Variants in RTL4 observed in about 807,000 individuals in gnomAD.
The protein encoded by RTL4 is retrotransposon Gag like 4.
Under a neutral mutation model 5.3 loss-of-function variants are expected in RTL4, and 4 were observed. The observed-to-expected ratio is 0.75, with a 90% CI of 0.37 to 1.72. RTL4 has a LOEUF of 1.72. Among genes scored for constraint, RTL4 ranks in the 40% most tolerant of loss-of-function variants. The pLI, the probability that RTL4 is intolerant of heterozygous loss-of-function variation, is 0.04. For synonymous variants in RTL4, 98 were observed against 87.3 expected (o/e 1.12, Z -0.68); for missense variants, 260 against 227.1 (o/e 1.14, Z -0.93).
the RTL4 span, among the ~76,000 whole-genome samples, chrX:112,310,002 C>A: frequency 9.6e-6 from 1 of 103,675 alleles, no homozygotes; most frequent in South Asian, 4.6e-4. Context: ...TTGCACAGAC[C>A]CGAGATCGTG....
the RTL4 span, chrX:112,382,120 G>A: frequency 2.5e-6 from 3 of 1,209,978 alleles, no homozygotes; most frequent in Admixed American, 2.2e-5. Context: ...TAATCCGGGC[G>A]AGGCAGAGAC....
chrX:112,293,511 C>G, the RTL4 span, among the ~76,000 whole-genome samples: 1 of 111,909 alleles, frequency 8.9e-6, no homozygotes, highest in African/African-American at 3.3e-5. Context: ...CTTCGATAGT[C>G]TTAATCTATA....
At chrX:112,351,197 T>C in the RTL4 span, among the ~76,000 whole-genome samples, 1 of 110,898 alleles carries the variant, frequency 9.0e-6, no homozygotes, top group Non-Finnish European at 1.9e-5. Context: ...TTCTTAATCC[T>C]GAGTTCTAGT....
the RTL4 span, among the ~76,000 whole-genome samples, chrX:112,093,622 G>A: frequency 8.9e-6 from 1 of 111,956 alleles, no homozygotes; most frequent in African/African-American, 3.2e-5. Context: ...CTTATAATCT[G>A]TTGCAGAAGA....
At chrX:112,260,494 GAA>G in the RTL4 span, among the ~76,000 whole-genome samples, 3 of 111,846 alleles carry the variant, frequency 2.7e-5, no homozygotes, top group Non-Finnish European at 5.6e-5. Context: ...TTACATTGAA[GAA>G]AAGTTTCCAC....
At chrX:112,334,144 A>C in the RTL4 span, among the ~76,000 whole-genome samples, 4 of 111,738 alleles carry the variant, frequency 3.6e-5, no homozygotes, top group Non-Finnish European at 7.5e-5. Flanking sequence ...TATTCTTTTT[A>C]AATGCTGAGT....
chrX:112,136,286 CCTT>C, the RTL4 span, among the ~76,000 whole-genome samples: 2 of 111,400 alleles, frequency 1.8e-5, no homozygotes, highest in Admixed American at 9.6e-5. Flanking sequence ...AGATAATTGT[CCTT>C]CTTACTTTCT....
chrX:112,181,139 C>G, the RTL4 span, among the ~76,000 whole-genome samples: 1 of 111,850 alleles, frequency 8.9e-6, no homozygotes, highest in African/African-American at 3.3e-5. Context: ...AGGAACGGTG[C>G]CTTCCTGCCC....
At chrX:112,356,579 GGTGTGTGTGT>G in the RTL4 span, among the ~76,000 whole-genome samples, 20 of 99,436 alleles carry the variant, frequency 2.0e-4, no homozygotes, top group Non-Finnish European at 4.1e-4. Context: ...TTTGTTTTGG[GGTGTGTGTGT>G]GTGTGTGTGT....
chrX:112,326,659 T>C, the RTL4 span, among the ~76,000 whole-genome samples: 1 of 111,545 alleles, frequency 9.0e-6, no homozygotes, highest in Non-Finnish European at 1.9e-5. Flanking sequence ...CCACCACAGC[T>C]CAAGGAGGCC....
At chrX:112,213,768 C>G in the RTL4 span, among the ~76,000 whole-genome samples, 1 of 110,747 alleles carries the variant, frequency 9.0e-6, no homozygotes, top group Non-Finnish European at 1.9e-5. Flanking sequence ...AACTGAAACT[C>G]TGTACCAATT....
At chrX:112,405,242 A>G in the RTL4 span, among the ~76,000 whole-genome samples, 1 of 112,028 alleles carries the variant, frequency 8.9e-6, no homozygotes, top group Non-Finnish European at 1.9e-5. Context: ...AACTTCAACA[A>G]GAAAATAAAA....
chrX:112,263,202 A>T, the RTL4 span, among the ~76,000 whole-genome samples: 10 of 103,919 alleles, frequency 9.6e-5, no homozygotes, highest in Non-Finnish European at 2.0e-5. Flanking sequence ...TTAAAGTATA[A>T]AAAAAAAAAA....
At chrX:112,217,010 A>G in the RTL4 span, among the ~76,000 whole-genome samples, 1 of 112,285 alleles carries the variant, frequency 8.9e-6, no homozygotes, top group Non-Finnish European at 1.9e-5. Context: ...CCTGAAATCA[A>G]TGGCTCTCAT....
At chrX:112,219,943 T>C in the RTL4 span, among the ~76,000 whole-genome samples, 2 of 112,010 alleles carry the variant, frequency 1.8e-5, no homozygotes. Flanking sequence ...CTTTCTGTTC[T>C]TTAGGCTTGA....
At chrX:112,110,469 C>T in the RTL4 span, among the ~76,000 whole-genome samples, 1 of 111,444 alleles carries the variant, frequency 9.0e-6, no homozygotes, top group East Asian at 2.8e-4. Flanking sequence ...AGTTGTATGG[C>T]CCTGTGCTGA....
At chrX:112,351,451 A>C in the RTL4 span, among the ~76,000 whole-genome samples, 1 of 109,169 alleles carries the variant, frequency 9.2e-6, no homozygotes, top group Non-Finnish European at 1.9e-5. Context: ...TGATCTGTCT[A>C]ATATTGACAG....
the RTL4 span, among the ~76,000 whole-genome samples, chrX:112,184,742 C>A: frequency 1.8e-5 from 2 of 111,997 alleles, no homozygotes; most frequent in Admixed American, 9.5e-5. Context: ...TATTGCAACA[C>A]AAGAATTCGT....
At chrX:112,375,015 A>C in the RTL4 span, among the ~76,000 whole-genome samples, 6 of 111,766 alleles carry the variant, frequency 5.4e-5, no homozygotes, top group African/African-American at 1.9e-4. Context: ...TACTTATACT[A>C]ATACTTAGGA....
Sources: gnomAD v4.1 joint callset for allele counts (sites outside exome capture counted in the v4.1 genomes callset) on GRCh38, gnomAD v4.1.1 for gene constraint, MANE v1.5 for transcripts, NCBI Gene and HGNC (gene_info 2026-07-23, HGNC 2026-07-21) for gene names.